Variants in TFPI observed in about 807,000 individuals in gnomAD.
TFPI encodes the protein tissue factor pathway inhibitor.
TFPI carries 15 observed loss-of-function variants against 34.6 expected under a neutral mutation model. The ratio of observed to expected loss-of-function variants is 0.43; its 90% CI spans 0.29 to 0.67. The LOEUF (loss-of-function observed/expected upper bound fraction) is 0.67. Ranked by LOEUF, TFPI falls within the 30% of genes least tolerant of loss-of-function variation. TFPI has a pLI of 0.15. For missense variants in TFPI, 301 were observed against 364.0 expected, an observed-to-expected ratio of 0.83 and a Z score of 1.41; for synonymous variants, 105 against 120.1, an observed-to-expected ratio of 0.87 and a Z score of 0.82.
intron 1 of TFPI, chr2:187,517,534 A>T (rs1283379274): frequency 1.3e-5 from 2 of 152,058 alleles, no homozygotes; most frequent in Non-Finnish European, 2.9e-5. Context: ...ATTATTTTGC[A>T]TTTGCTGAGG....
chr2:187,492,819 G>GC (rs1378503018), intron 3 of TFPI, among the ~76,000 whole-genome samples: 1 of 152,158 alleles, frequency 6.6e-6, no homozygotes, highest in Non-Finnish European at 1.5e-5. Flanking sequence ...GATTTTACAA[G>GC]CTCCTAGGCA....
chr2:187,536,984 A>T (rs1688295302), intron 1 of TFPI, among the ~76,000 whole-genome samples: 2 of 152,246 alleles, frequency 1.3e-5, no homozygotes, highest in Admixed American at 1.3e-4. Context: ...TCCCATTCAC[A>T]GTTGCTACAA....
intron 1 of TFPI, among the ~76,000 whole-genome samples, chr2:187,520,940 T>G (rs1207564915): frequency 6.6e-6 from 1 of 152,020 alleles, no homozygotes; most frequent in Non-Finnish European, 1.5e-5. Flanking sequence ...GTTTTTAATT[T>G]TTTCTGAGTG....
chr2:187,545,197 G>A (rs2106319058), intron 1 of TFPI, among the ~76,000 whole-genome samples: 1 of 152,236 alleles, frequency 6.6e-6, no homozygotes, highest in South Asian at 2.1e-4. Flanking sequence ...AAGGAGGGAA[G>A]TCTCTTCCAA....
chr2:187,503,843 C>T, intron 1 of TFPI, 73 bp from the exon 2 acceptor site: 1 of 1,515,722 alleles, frequency 6.6e-7, no homozygotes, highest in Non-Finnish European at 9.0e-7. Flanking sequence ...TAGTAAACAT[C>T]ATATGTGTAC....
At chr2:187,522,703 GA>G in intron 1 of TFPI, among the ~76,000 whole-genome samples, 1 of 125,614 alleles carries the variant, frequency 8.0e-6, no homozygotes, top group South Asian at 2.6e-4. Context: ...CTAACATGGT[GA>G]AACCCCGTCT....
chr2:187,485,126 A>G (rs1693169133), intron 4 of TFPI, 139 bp from the exon 5 acceptor site: 1 of 597,740 alleles, frequency 1.7e-6, no homozygotes, highest in Non-Finnish European at 2.6e-6. Context: ...AACTTTATCC[A>G]TAAATATACA....
intron 2 of TFPI, among the ~76,000 whole-genome samples, chr2:187,502,919 C>T (rs1249192705): frequency 6.6e-6 from 1 of 152,120 alleles, no homozygotes; most frequent in Non-Finnish European, 1.5e-5. Context: ...ATCTTTTTTA[C>T]ATCTTAAACC....
intron 1 of TFPI, 142 bp downstream of exon 1, chr2:187,554,058 G>T (rs952447849): frequency 6.6e-6 from 1 of 152,020 alleles, no homozygotes; most frequent in African/African-American, 2.4e-5. Flanking sequence ...TGTTTACAGG[G>T]AAGGGCTGAT....
intron 3 of TFPI, among the ~76,000 whole-genome samples, chr2:187,489,378 A>G (rs1193878282): frequency 7.5e-6 from 1 of 134,144 alleles, no homozygotes; most frequent in African/African-American, 3.0e-5. Flanking sequence ...CCTTTTAAAA[A>G]AAGAGGTGTG....
chr2:187,511,647 A>G (rs1686641954), intron 1 of TFPI, among the ~76,000 whole-genome samples: 2 of 152,196 alleles, frequency 1.3e-5, no homozygotes, highest in Admixed American at 1.3e-4. Flanking sequence ...CATCAGAAGT[A>G]AGCCTTGACG....
At chr2:187,480,725 C>T (rs1281159166) in intron 6 of TFPI, among the ~76,000 whole-genome samples, 1 of 152,024 alleles carries the variant, frequency 6.6e-6, no homozygotes, top group African/African-American at 2.4e-5. Context: ...TCAACACAGC[C>T]AATCAAACTG....
intron 2 of TFPI, among the ~76,000 whole-genome samples, chr2:187,500,354 A>G (rs1467761177): frequency 6.6e-6 from 1 of 152,214 alleles, no homozygotes; most frequent in African/African-American, 2.4e-5. Flanking sequence ...ACTTAAATTC[A>G]TACCATAAAT....
chr2:187,495,606 C>T (rs1685424893), intron 3 of TFPI, among the ~76,000 whole-genome samples: 1 of 152,198 alleles, frequency 6.6e-6, no homozygotes, highest in Non-Finnish European at 1.5e-5. Context: ...TACAACTAAA[C>T]ATCTTACAGA....
chr2:187,542,017 G>T (rs533263900), intron 1 of TFPI, among the ~76,000 whole-genome samples: 46 of 152,286 alleles, frequency 3.0e-4, no homozygotes, highest in African/African-American at 7.0e-4. Flanking sequence ...TGAGGGGGCA[G>T]CAGCAAGTGA....
At position 187,485,379 on chromosome 2, in the gene TFPI, G is replaced by C. The variant is rs779142441; in HGVS notation, c.359-392C>G. Among the ~76,000 whole-genome samples, 57 of 151,720 alleles carry C rather than the reference G, an allele frequency of 3.8e-4. 1 individual carries two copies. Among genetic ancestry groups the C allele is most frequent in the Admixed American group, 1.8e-3 (28 of 15,186 alleles). On this transcript the variant is annotated intron_variant, in intron 4 of 7. Transcript: ENST00000233156. Reference sequence around the variant, plus strand: ...TCTATGAACATTTCAAGCTATTGAGGGTGGCTTCTCAGGAAAAGCATTGTA... The same window carrying C: ...TCTATGAACATTTCAAGCTATTGAGCGTGGCTTCTCAGGAAAAGCATTGTA...
In TFPI at chr2:187,467,890, C is replaced by CCT. The variant is rs1173780957; in HGVS notation, c.669_670dup (p.Gly224GlufsTer42). 1 of 1,607,870 alleles carries CCT rather than the reference C, an allele frequency of 6.2e-7. No individual in the cohort carries two copies. The highest frequency in any genetic ancestry group is 8.5e-7 in the Non-Finnish European group (1 of 1,177,698). ...TCTGTTCTCATTGGCACGACACAAT[C>CCT]CTCTGTCTGCTGGAGTGAGACACCA... On this transcript the variant is annotated frameshift_variant, in exon 7 of 8. Coordinates refer to ENST00000233156, the MANE Select transcript of TFPI (RefSeq NM_006287.6). LOFTEE classifies it high-confidence loss of function.
intron 4 of TFPI, among the ~76,000 whole-genome samples, chr2:187,486,821 T>C (rs926071266): frequency 2.0e-5 from 3 of 151,618 alleles, no homozygotes; most frequent in East Asian, 3.9e-4. Flanking sequence ...TCAACTTTTG[T>C]TTGGGCCTGA....
At chr2:187,489,260 CT>C (rs548155067) in intron 3 of TFPI, among the ~76,000 whole-genome samples, 2 of 151,376 alleles carry the variant, frequency 1.3e-5, no homozygotes, top group African/African-American at 4.8e-5. Flanking sequence ...CTGCATCATC[CT>C]TTTTTTCTTG....
Sources: gnomAD v4.1 joint callset for allele counts (sites outside exome capture counted in the v4.1 genomes callset) on GRCh38, gnomAD v4.1.1 for gene constraint, MANE v1.5 for transcripts, NCBI Gene and HGNC (gene_info 2026-07-23, HGNC 2026-07-21) for gene names.